HHIPL2: variants seen among roughly 807,000 people sequenced by gnomAD.
HHIPL2 encodes the protein HHIP like 2.
In HHIPL2, 61 loss-of-function variants were observed where a neutral mutation model predicts 61.0. That is an observed-to-expected ratio of 1.00 (90% CI 0.81 to 1.24). The LOEUF (loss-of-function observed/expected upper bound fraction) is 1.24. Ranked by LOEUF, HHIPL2 falls within the 50% of genes most tolerant of loss-of-function variation. The probability of loss-of-function intolerance (pLI) is 0.00; values close to 1 mark genes in which losing one functional copy is unlikely to be tolerated. For synonymous variants in HHIPL2, 343 were observed against 357.4 expected, an observed-to-expected ratio of 0.96 and a Z score of 0.45; for missense variants, 885 against 910.2, an observed-to-expected ratio of 0.97 and a Z score of 0.36.
chr1:222,543,616 T>A lies in HHIPL2; in HGVS notation c.895A>T (p.Lys299Ter), dbSNP rs747845411. 6.2e-6 allele frequency: 10 copies of A among 1,614,152 alleles called. No homozygotes were observed. Among genetic ancestry groups the A allele is most frequent in the South Asian group, 1.1e-5 (1 of 91,078 alleles). Reference sequence around the variant, plus strand: ...CTAATTCGGATCTTTTCTACCTTCTTCTTGTCCAGGCACGAATAATAAATA... The same window carrying A: ...CTAATTCGGATCTTTTCTACCTTCTACTTGTCCAGGCACGAATAATAAATA... ...FYIYYSCLDKKKVEKIRISEM... is the reference protein window; with the variant it reads ...FYIYYSCLDK The change falls in exon 2 of 9, where the codon AAG (lysine) becomes TAG (stop). Residue 299 changes from lysine to a stop codon, truncating the protein, a stop_gained. Transcript: ENST00000343410. LOFTEE classifies it high-confidence loss of function.
chr1:222,522,687 C>T lies in HHIPL2; in HGVS notation c.2089G>A (p.Gly697Ser), dbSNP rs751825088. 6.2e-7 allele frequency: 1 copy of T among 1,614,198 alleles called. No homozygotes were observed. Among genetic ancestry groups the T allele is most frequent in the Non-Finnish European group, 8.5e-7 (1 of 1,180,028 alleles). Reference sequence around the variant, plus strand: ...CTTTTCAGGCTCTTCCTCCTCTTGCCCTGGCGGACGTGGGGCCCCACTCTG... The same window carrying T: ...CTTTTCAGGCTCTTCCTCCTCTTGCTCTGGCGGACGTGGGGCCCCACTCTG... ...KARVGPHVRQGKRRKSLKSHS... is the reference protein window; with the variant it reads ...KARVGPHVRQSKRRKSLKSHS... Residue 697 changes from glycine (G) to serine (S), a missense_variant, in exon 9 of 9, where the codon GGC becomes AGC. Physicochemically the swap from Gly to Ser is moderately conservative, Grantham distance 56. Coordinates refer to ENST00000343410, the MANE Select transcript of HHIPL2 (RefSeq NM_024746.4).
rs1659499033 is a variant in HHIPL2 at position 222,543,979 on chromosome 1, C to T, written c.532G>A (p.Asp178Asn). ...FCHLLDLPDK[D>N]YCFPNVLRND... ...CTCAGGACATTAGGGAAGCAATAGTCCTTGTCAGGAAGGTCCAGGAGGTGG... is the reference window on the plus strand; with the variant it reads ...CTCAGGACATTAGGGAAGCAATAGTTCTTGTCAGGAAGGTCCAGGAGGTGG... Residue 178 changes from aspartate (D) to asparagine (N), a missense_variant, in exon 2 of 9, where the codon GAC becomes AAC. Coordinates refer to ENST00000343410, the MANE Select transcript of HHIPL2 (RefSeq NM_024746.4). The T allele has an allele frequency of 6.2e-7, 1 of 1,614,158 alleles. No homozygotes were observed. The highest frequency in any genetic ancestry group is 8.5e-7 in the Non-Finnish European group (1 of 1,180,052).
At chr1:222,533,990 A>G (rs1023504628) in intron 5 of HHIPL2, among the ~76,000 whole-genome samples, 8 of 152,250 alleles carry the variant, frequency 5.3e-5, no homozygotes, top group Admixed American at 2.0e-4. Context: ...TTTAAAACAA[A>G]GGAAAGAATT....
chr1:222,538,661 C>T lies in HHIPL2; in HGVS notation c.1564G>A (p.Asp522Asn). The T allele has an allele frequency of 6.2e-7, 1 of 1,613,920 alleles. No homozygotes were observed. Among genetic ancestry groups the T allele is most frequent in the South Asian group, 1.1e-5 (1 of 91,078 alleles). Residue 522 changes from aspartate (D) to asparagine (N), a missense_variant, in exon 5 of 9, where the codon GAC becomes AAC. Transcript: ENST00000343410. ...GTCCTTCCTTACCCACTCATGAAGT[C>T]TCCAAAGATATACAGGCCATTGAGA... ...PNLNGLYIFG[D>N]FMSGRLMALQ...
At chr1:222,541,913 T>A in intron 3 of HHIPL2, 99 bp downstream of exon 3, 1 of 1,271,364 alleles carries the variant, frequency 7.9e-7, no homozygotes, top group Non-Finnish European at 1.1e-6. Flanking sequence ...GTAGACTACA[T>A]CTTGCAGTGT....
chr1:222,542,227 G>T, intron 2 of HHIPL2, 72 bp from the exon 3 acceptor site: 1 of 1,550,948 alleles, frequency 6.4e-7, no homozygotes. Flanking sequence ...GAGATACCCA[G>T]AAATGACTGG....
chr1:222,537,800 CAATT>C (rs1401060947), intron 5 of HHIPL2, among the ~76,000 whole-genome samples: 9 of 152,104 alleles, frequency 5.9e-5, no homozygotes, highest in African/African-American at 2.2e-4. Flanking sequence ...TATATTCTAA[CAATT>C]AACAGTCAGA....
chr1:222,536,180 C>G (rs1414153986), intron 5 of HHIPL2, among the ~76,000 whole-genome samples: 2 of 151,026 alleles, frequency 1.3e-5, no homozygotes, highest in African/African-American at 4.9e-5. Context: ...ATTAAAATAA[C>G]AGGAAAAAAA....
At chr1:222,547,462 AAG>A (rs1659578438) in intron 1 of HHIPL2, among the ~76,000 whole-genome samples, 1 of 152,134 alleles carries the variant, frequency 6.6e-6, no homozygotes, top group Non-Finnish European at 1.5e-5. Flanking sequence ...GAGCTCCAGG[AAG>A]AGTGTCCCTC....
At position 222,538,647 on chromosome 1, in the gene HHIPL2, C is replaced by A. The variant is rs755075455; in HGVS notation, c.1577+1G>T. The A allele has an allele frequency of 6.2e-7, 1 of 1,612,956 alleles. No individual in the cohort carries two copies. Among genetic ancestry groups the A allele is most frequent in the Non-Finnish European group, 8.5e-7 (1 of 1,179,070 alleles). ...GAGAAGGGACATCAGTCCTTCCTTACCCACTCATGAAGTCTCCAAAGATAT... is the reference window on the plus strand; with the variant it reads ...GAGAAGGGACATCAGTCCTTCCTTAACCACTCATGAAGTCTCCAAAGATAT... On this transcript the variant is annotated splice_donor_variant, in intron 5 of 8. Transcript: ENST00000343410. LOFTEE classifies it high-confidence loss of function.
intron 5 of HHIPL2, 118 bp downstream of exon 5, chr1:222,538,530 A>C (rs1659355278): frequency 2.1e-6 from 2 of 942,516 alleles, no homozygotes; most frequent in African/African-American, 1.7e-5. Context: ...GAGTGCATAC[A>C]TTTGTAAAAC....
chr1:222,541,345 T>A (rs1173526451), intron 3 of HHIPL2, among the ~76,000 whole-genome samples: 2 of 152,166 alleles, frequency 1.3e-5, no homozygotes, highest in Non-Finnish European at 2.9e-5. Flanking sequence ...ATTGTGTGGG[T>A]TGGGATTCTG....
intron 7 of HHIPL2, chr1:222,524,215 AAC>A (rs1276759413): frequency 6.4e-6 from 1 of 157,024 alleles, no homozygotes; most frequent in Non-Finnish European, 1.4e-5. Flanking sequence ...TCTGCCTAGT[AAC>A]ACACACATTC....
chr1:222,538,195 G>GGGGTGTGTGTGTGT (rs1356240657), intron 5 of HHIPL2, among the ~76,000 whole-genome samples: 8 of 136,370 alleles, frequency 5.9e-5, no homozygotes, highest in African/African-American at 1.6e-4. Context: ...CTCTGGCTGG[G>GGGGTGTGTGTGTGT]GTGTGTGTGT....
chr1:222,526,102 C>G (rs1159629232), intron 7 of HHIPL2, among the ~76,000 whole-genome samples: 1 of 152,130 alleles, frequency 6.6e-6, no homozygotes, highest in Admixed American at 6.6e-5. Flanking sequence ...GATAACCTGA[C>G]CCAGACCCAA....
chr1:222,533,469 A>G (rs532360611), intron 5 of HHIPL2, among the ~76,000 whole-genome samples: 76 of 152,266 alleles, frequency 5.0e-4, no homozygotes, highest in African/African-American at 1.7e-3. Context: ...TTGTAGGGAG[A>G]AAAACATGAA....
chr1:222,543,071 G>A (rs1350516272), intron 2 of HHIPL2, among the ~76,000 whole-genome samples: 1 of 152,244 alleles, frequency 6.6e-6, no homozygotes, highest in Non-Finnish European at 1.5e-5. Flanking sequence ...AGGGTGGAAA[G>A]AGCATGAACT....
Position 222,522,904 on chromosome 1 carries a change from T to A in HHIPL2, c.1889-17A>T. ...AGACTGTCTCTGAGAAATCAGTATT[T>A]ATTTAGTGAAAAATATAAGTCCCAG... On this transcript the variant is annotated splice_polypyrimidine_tract_variant and intron_variant, in intron 8 of 8. Coordinates refer to ENST00000343410, the MANE Select transcript of HHIPL2 (RefSeq NM_024746.4). The A allele has an allele frequency of 6.2e-7, 1 of 1,600,462 alleles. No homozygotes were observed. Among genetic ancestry groups the A allele is most frequent in the Non-Finnish European group, 8.5e-7 (1 of 1,173,298 alleles).
In HHIPL2 at chr1:222,540,355, G is replaced by A; in HGVS notation, c.1119-14C>T. ...AGCAGGGAACTTCTGAAAGAAAGAA[G>A]GCCAAGAAGCAGAATGAGGTAAGCA... On this transcript the variant is annotated splice_polypyrimidine_tract_variant and intron_variant, in intron 3 of 8. Transcript: ENST00000343410. 2 of 1,591,516 alleles carry A rather than the reference G, an allele frequency of 1.3e-6. No homozygotes were observed. The highest frequency in any genetic ancestry group is 1.7e-6 in the Non-Finnish European group (2 of 1,167,778).
Sources: gnomAD v4.1 joint callset for allele counts (sites outside exome capture counted in the v4.1 genomes callset) on GRCh38, gnomAD v4.1.1 for gene constraint, MANE v1.5 for transcripts, NCBI Gene and HGNC (gene_info 2026-07-23, HGNC 2026-07-21) for gene names.